The following DHX40 variants were observed in gnomAD, a reference collection of about 807,000 sequenced individuals.
DHX40 encodes probable ATP-dependent RNA helicase DHX40.
In DHX40, 28 loss-of-function variants were observed where a neutral mutation model predicts 89.6. That is an observed-to-expected ratio of 0.31 (90% CI 0.23 to 0.43). DHX40 has a LOEUF of 0.43. Among genes scored for constraint, DHX40 ranks in the 20% least tolerant of loss-of-function variants. DHX40 has a pLI of 1.00. For synonymous variants in DHX40, 226 were observed against 283.6 expected (o/e 0.80, Z 2.04); for missense variants, 457 against 844.0 (o/e 0.54, Z 5.68).
Position 59,575,321 on chromosome 17 carries a change from T to C in DHX40, c.842-19T>C. On this transcript the variant is annotated intron_variant, in intron 6 of 17. Coordinates refer to ENST00000251241, the MANE Select transcript of DHX40 (RefSeq NM_024612.5). ...TTTTCTGTTCAGTTGCTGAAGTTATTTTTTTCTTCCCATTTTAGGCCAGTT... is the reference window on the plus strand; with the variant it reads ...TTTTCTGTTCAGTTGCTGAAGTTATCTTTTTCTTCCCATTTTAGGCCAGTT... 1 of 1,534,838 alleles carries C rather than the reference T, an allele frequency of 6.5e-7. No homozygotes were observed. The highest frequency in any genetic ancestry group is 8.8e-7 in the Non-Finnish European group (1 of 1,138,684).
intron 17 of DHX40, among the ~76,000 whole-genome samples, chr17:59,605,974 A>C (rs1201447724): frequency 3.3e-5 from 5 of 152,084 alleles, no homozygotes; most frequent in Non-Finnish European, 7.4e-5. Context: ...CTCTAAAAAA[A>C]AAAAAGTGAT....
chr17:59,592,678 A>C (rs2049101330), intron 12 of DHX40, among the ~76,000 whole-genome samples: 1 of 131,980 alleles, frequency 7.6e-6, no homozygotes, highest in Non-Finnish European at 1.6e-5. Context: ...CCTGGGTTCA[A>C]GCAGTTGTCC....
At chr17:59,588,120 C>T (rs2049025221) in intron 12 of DHX40, 67 bp downstream of exon 12, 1 of 1,589,900 alleles carries the variant, frequency 6.3e-7, no homozygotes, top group African/African-American at 1.4e-5. Flanking sequence ...GTGGCTCACG[C>T]CTGTAATCCC....
At chr17:59,598,130 T>C (rs2143338595) in intron 12 of DHX40, among the ~76,000 whole-genome samples, 1 of 152,094 alleles carries the variant, frequency 6.6e-6, no homozygotes, top group East Asian at 1.9e-4. Flanking sequence ...GCCTTTGAAA[T>C]TGCTGGGATT....
chr17:59,566,638 T>G lies in DHX40; in HGVS notation c.124T>G (p.Cys42Gly), dbSNP rs778678371. ...TTCTGTTATTACAGAAGAGAAAGGA[T>G]GCACGTCCCAGGAGGGAGGAACTAC... ...VCIADREEKGCTSQEGGTTPT... is the reference protein window; with the variant it reads ...VCIADREEKGGTSQEGGTTPT... Residue 42 changes from cysteine (C) to glycine (G), a missense_variant, in exon 2 of 18, where the codon TGC becomes GGC. Physicochemically the swap from Cys to Gly is radical, Grantham distance 159 (BLOSUM62 -3). Transcript: ENST00000251241. 1.3e-6 allele frequency: 2 copies of G among 1,585,110 alleles called. No individual in the cohort carries two copies. The highest frequency in any genetic ancestry group is 1.7e-6 in the Non-Finnish European group (2 of 1,172,224).
chr17:59,588,128 C>T (rs956329115), intron 12 of DHX40, 75 bp downstream of exon 12: 1 of 1,585,938 alleles, frequency 6.3e-7, no homozygotes, highest in African/African-American at 1.4e-5. Flanking sequence ...CGCCTGTAAT[C>T]CCATCACTTT....
chr17:59,599,132 T>G (rs1341972459), intron 13 of DHX40, among the ~76,000 whole-genome samples: 1 of 151,974 alleles, frequency 6.6e-6, no homozygotes, highest in African/African-American at 2.4e-5. Context: ...ATTGGATATT[T>G]GTTATTGCAT....
At chr17:59,576,990 C>A (rs2048892388) in intron 7 of DHX40, 1 of 380,048 alleles carries the variant, frequency 2.6e-6, no homozygotes, top group South Asian at 2.2e-5. Context: ...CTGCCTCAGC[C>A]TCCCGAGTAG....
chr17:59,567,117 A>C (rs1418614060), intron 2 of DHX40, among the ~76,000 whole-genome samples: 2 of 152,228 alleles, frequency 1.3e-5, no homozygotes, highest in African/African-American at 4.8e-5. Context: ...GAGGGGTAAG[A>C]GATATGTGAT....
At chr17:59,578,148 G>A (rs1044898469) in intron 8 of DHX40, among the ~76,000 whole-genome samples, 25 of 150,454 alleles carry the variant, frequency 1.7e-4, no homozygotes, top group Admixed American at 5.3e-4. Flanking sequence ...ATCATTTACC[G>A]AATATATTTT....
At chr17:59,591,648 C>T (rs4968385) in intron 12 of DHX40, among the ~76,000 whole-genome samples, 49,865 of 150,582 alleles carry the variant, frequency 0.33, 9,621 homozygotes, top group East Asian at 0.54. Flanking sequence ...TCCTTTATAC[C>T]TTCTATGCAG....
chr17:59,593,823 C>T (rs1326341729), intron 12 of DHX40, among the ~76,000 whole-genome samples: 5 of 151,786 alleles, frequency 3.3e-5, no homozygotes, highest in Non-Finnish European at 5.9e-5. Flanking sequence ...AACTTTAATT[C>T]GTGGATTCTT....
In DHX40 at chr17:59,570,667, C is replaced by A. The variant is rs762315130; in HGVS notation, c.426+4C>A. The A allele has an allele frequency of 6.9e-6, 11 of 1,603,106 alleles. No homozygotes were observed. The East Asian group carries it at 2.5e-4, about 37-fold the overall frequency. Reference sequence around the variant, plus strand: ...TTTTGATGATTGCAGTTCTAAGGTACAAAAGTCTTGTTGGTATTTGTTTCT... The same window carrying A: ...TTTTGATGATTGCAGTTCTAAGGTAAAAAAGTCTTGTTGGTATTTGTTTCT... On this transcript the variant is annotated splice_donor_region_variant and intron_variant, in intron 3 of 17. Coordinates refer to ENST00000251241, the MANE Select transcript of DHX40 (RefSeq NM_024612.5).
At chr17:59,585,157 T>C (rs1194865722) in intron 10 of DHX40, among the ~76,000 whole-genome samples, 2 of 72,712 alleles carry the variant, frequency 2.8e-5, no homozygotes, top group Admixed American at 2.9e-4. Flanking sequence ...CCCAGCACTT[T>C]GGGAGGCTGA....
chr17:59,570,080 T>A (rs1341675750), intron 2 of DHX40, among the ~76,000 whole-genome samples: 1 of 128,758 alleles, frequency 7.8e-6, no homozygotes, highest in Non-Finnish European at 1.6e-5. Context: ...TAATGTATAT[T>A]TATATATAAT....
intron 10 of DHX40, among the ~76,000 whole-genome samples, chr17:59,581,130 T>G (rs1366578039): frequency 1.4e-5 from 2 of 147,578 alleles, no homozygotes; most frequent in Non-Finnish European, 3.0e-5. Flanking sequence ...AAGTGGAGTG[T>G]TTTTTTTGTA....
rs932379077 is a variant in DHX40, at chr17:59,570,136, T to C, written c.281-382T>C. Among the ~76,000 whole-genome samples the C allele has an allele frequency of 6.2e-5, 8 of 128,028 alleles. No homozygotes were observed. In the Admixed American group the frequency reaches 6.6e-4, roughly 10 times the overall value. The allele number at this position is 128,028 out of a possible 152,430, so 84.0% of individuals were successfully genotyped here. On this transcript the variant is annotated intron_variant, in intron 2 of 17. Transcript: ENST00000251241. ...TATTATAATGTATATTTATATATAA[T>C]ATATTATAAATTATATAATACATAT...
In DHX40 at chr17:59,586,465, A is replaced by G. The variant is rs549278213; in HGVS notation, c.1424+232A>G. 4.6e-5 allele frequency among the ~76,000 whole-genome samples: 7 copies of G among 151,990 alleles called. No homozygotes were observed. In the East Asian group the frequency reaches 1.2e-3, roughly 25 times the overall value. On this transcript the variant is annotated intron_variant, in intron 11 of 17. Coordinates refer to ENST00000251241, the MANE Select transcript of DHX40 (RefSeq NM_024612.5). ...ATCATGAGGTCAGGAGATCGAGACC[A>G]TCCTGGCTAACATGGTGAAGCCCCG... is the stretch of plus-strand genomic sequence containing the variant.
At chr17:59,573,475 G>A (rs3908340) in intron 4 of DHX40, among the ~76,000 whole-genome samples, 30,154 of 151,744 alleles carry the variant, frequency 0.2, 3,521 homozygotes, top group African/African-American at 0.32. Context: ...TACTGCAGAC[G>A]TGCATCACCA....
Sources: allele counts gnomAD v4.1 joint callset (sites outside exome capture counted in the v4.1 genomes callset), GRCh38; gene constraint gnomAD v4.1.1; transcripts MANE v1.5; gene names NCBI Gene and HGNC (gene_info 2026-07-23, HGNC 2026-07-21).